SCAI: variants seen among roughly 807,000 people sequenced by gnomAD.
SCAI encodes the protein suppressor of cancer cell invasion, also known as protein SCAI.
SCAI carries 24 observed loss-of-function variants against 92.2 expected under a neutral mutation model. The observed-to-expected ratio is 0.26, with a 90% CI of 0.19 to 0.37. The LOEUF is 0.37. Ranked by LOEUF, SCAI falls within the 10% of genes least tolerant of loss-of-function variation. SCAI has a pLI of 1.00. For synonymous variants in SCAI, 261 were observed against 258.6 expected (o/e 1.01, Z -0.09); for missense variants, 450 against 736.2 (o/e 0.61, Z 4.50).
intron 14 of SCAI, among the ~76,000 whole-genome samples, chr9:124,988,683 A>ACC (rs1832047887): frequency 6.6e-6 from 1 of 152,172 alleles, no homozygotes; most frequent in Non-Finnish European, 1.5e-5. Flanking sequence ...AAACAAATAA[A>ACC]AGACAACCAG....
chr9:125,035,211 C>A (rs959394905), intron 3 of SCAI, among the ~76,000 whole-genome samples: 1 of 151,970 alleles, frequency 6.6e-6, no homozygotes, highest in Non-Finnish European at 1.5e-5. Flanking sequence ...AAACAATTAG[C>A]CAGGTGTGGT....
chr9:125,002,670 G>C (rs1832386972), intron 11 of SCAI, among the ~76,000 whole-genome samples: 1 of 151,704 alleles, frequency 6.6e-6, no homozygotes. Flanking sequence ...TTTTAGTAGA[G>C]ATGGGGTTTC....
At chr9:125,007,187 T>C (rs1832528853) in intron 9 of SCAI, among the ~76,000 whole-genome samples, 1 of 152,128 alleles carries the variant, frequency 6.6e-6, no homozygotes, top group African/African-American at 2.4e-5. Context: ...AATTATCAGA[T>C]ATATAGTAAT....
At chr9:125,053,585 T>G (rs1467953880) in intron 3 of SCAI, among the ~76,000 whole-genome samples, 1 of 152,124 alleles carries the variant, frequency 6.6e-6, no homozygotes, top group East Asian at 1.9e-4. Flanking sequence ...TTCCAATTAA[T>G]TAATATATAA....
chr9:125,002,819 T>C (rs564442594), intron 11 of SCAI, among the ~76,000 whole-genome samples: 2 of 150,428 alleles, frequency 1.3e-5, no homozygotes, highest in East Asian at 3.9e-4. Context: ...CATTGAGTAA[T>C]AAAAAACTGG....
intron 2 of SCAI, among the ~76,000 whole-genome samples, chr9:125,102,527 C>A (rs552520769): frequency 6.6e-6 from 1 of 152,254 alleles, no homozygotes; most frequent in East Asian, 1.9e-4. Flanking sequence ...TACTCCCTGC[C>A]CAGTAAGTTT....
At chr9:124,977,680 AAAAAC>A (rs1159355366) in intron 14 of SCAI, among the ~76,000 whole-genome samples, 8 of 152,308 alleles carry the variant, frequency 5.3e-5, no homozygotes, top group African/African-American at 1.2e-4. Flanking sequence ...TCTCAAAACA[AAAAAC>A]AAAACAAAAC....
At chr9:125,038,343 T>C (rs1833245208) in intron 3 of SCAI, among the ~76,000 whole-genome samples, 3 of 152,212 alleles carry the variant, frequency 2.0e-5, no homozygotes, top group Admixed American at 2.0e-4. Context: ...CTCAACCTGC[T>C]ATGTTTTGTT....
chr9:125,095,007 T>C (rs1834515579), intron 2 of SCAI, among the ~76,000 whole-genome samples: 2 of 152,222 alleles, frequency 1.3e-5, no homozygotes, highest in Admixed American at 6.5e-5. Context: ...ACACACGAAG[T>C]TGTGACAGAC....
chr9:124,994,578 C>T (rs867834132), intron 14 of SCAI, among the ~76,000 whole-genome samples: 3 of 152,066 alleles, frequency 2.0e-5, no homozygotes, highest in Non-Finnish European at 1.5e-5. Context: ...GAAGGGGAAA[C>T]GTTTGAACAC....
At chr9:125,061,276 G>A (rs184393348) in intron 2 of SCAI, among the ~76,000 whole-genome samples, 2 of 151,864 alleles carry the variant, frequency 1.3e-5, no homozygotes, top group South Asian at 2.1e-4. Context: ...CAGCCTGGGC[G>A]ATACAGCGAG....
rs1815940853 is a variant in SCAI, at chr9:124,945,150, G to A, written c.*7657C>T. The A allele has an allele frequency of 6.6e-6, 1 of 151,490 alleles. No homozygotes were observed. The highest frequency in any genetic ancestry group is 2.1e-4 in the South Asian group (1 of 4,794). 9.4% of individuals were successfully genotyped at this position (151,490 alleles called of 1,614,324 possible). ...TATGATGAAATTTAGGCTTGAATAA[G>A]TGAGTTTGTAGTTTTAATATAATGT... On this transcript the variant is annotated 3_prime_UTR_variant, in exon 18 of 18. Transcript: ENST00000336505.
intron 2 of SCAI, among the ~76,000 whole-genome samples, chr9:125,070,213 T>C (rs1475631409): frequency 6.6e-6 from 1 of 152,178 alleles, no homozygotes; most frequent in Non-Finnish European, 1.5e-5. Context: ...GGGGTGATGA[T>C]GATGGTTTTG....
intron 17 of SCAI, chr9:124,968,334 AG>A: frequency 8.1e-7 from 1 of 1,229,096 alleles, no homozygotes; most frequent in Non-Finnish European, 1.2e-6. Context: ...AGACAAGTCC[AG>A]TTTGGTTTTT....
chr9:125,132,488 C>T (rs990524432), intron 2 of SCAI, among the ~76,000 whole-genome samples: 2 of 152,124 alleles, frequency 1.3e-5, no homozygotes, highest in Non-Finnish European at 2.9e-5. Flanking sequence ...TGGATCACCA[C>T]GTGTTTGCTG....
chr9:125,117,617 G>T (rs531019545), intron 2 of SCAI, among the ~76,000 whole-genome samples: 2 of 119,064 alleles, frequency 1.7e-5, no homozygotes, highest in Non-Finnish European at 3.2e-5. Context: ...AGTGAGCCGA[G>T]ATCACACCAC....
chr9:125,052,747 A>T (rs936186544), intron 3 of SCAI, among the ~76,000 whole-genome samples: 1 of 152,176 alleles, frequency 6.6e-6, no homozygotes, highest in Non-Finnish European at 1.5e-5. Flanking sequence ...TAATAATTTT[A>T]AAAATAATTC....
intron 2 of SCAI, among the ~76,000 whole-genome samples, chr9:125,058,935 A>C (rs1833723198): frequency 6.6e-6 from 1 of 152,244 alleles, no homozygotes; most frequent in Non-Finnish European, 1.5e-5. Context: ...CAATACCAAT[A>C]GTAATAGCAA....
Position 124,946,574 on chromosome 9 carries a change from C to T in SCAI, c.*6233G>A, listed in dbSNP as rs1407430448. 6.6e-6 allele frequency: 1 copy of T among 152,220 alleles called. No homozygotes were observed. Among genetic ancestry groups the T allele is most frequent in the Non-Finnish European group, 1.5e-5 (1 of 68,044 alleles). 9.4% of individuals were successfully genotyped at this position (152,220 alleles called of 1,614,324 possible). ...AAGTGTATATTAAACATCTCCTACACTCTTTCATGCAAATAAATATGTCAA... is the reference window on the plus strand; with the variant it reads ...AAGTGTATATTAAACATCTCCTACATTCTTTCATGCAAATAAATATGTCAA... On this transcript the variant is annotated 3_prime_UTR_variant, in exon 18 of 18. Transcript: ENST00000336505. This position sits in a 1 kb window ranked among gnomAD's most constrained non-coding sequence, Gnocchi z 4.0.
Sources: gnomAD v4.1 joint callset for allele counts (sites outside exome capture counted in the v4.1 genomes callset) on GRCh38, gnomAD v4.1.1 for gene constraint, Gnocchi (gnomAD v3.1) non-coding constraint, MANE v1.5 for transcripts, NCBI Gene and HGNC (gene_info 2026-07-23, HGNC 2026-07-21) for gene names.